TNR: variants seen among roughly 807,000 people sequenced by gnomAD.
The protein encoded by TNR is tenascin R.
A neutral mutation model predicts 150.4 loss-of-function variants in TNR; 45 were observed. The observed-to-expected ratio is 0.30, with a 90% CI of 0.24 to 0.38. TNR has a LOEUF of 0.38. Among genes scored for constraint, TNR ranks in the 10% least tolerant of loss-of-function variants. The probability of loss-of-function intolerance (pLI) is 1.00; values close to 1 mark genes in which losing one functional copy is unlikely to be tolerated. For synonymous variants in TNR, 687 were observed against 678.4 expected, an observed-to-expected ratio of 1.01 and a Z score of -0.20; for missense variants, 1,544 against 1,759.1, an observed-to-expected ratio of 0.88 and a Z score of 2.19.
chr1:175,524,858 A>G lies in TNR; in HGVS notation c.-64+3411T>C, dbSNP rs568106250. ...GTCGCCTGTTAGATAATATGGTCTT[A>G]ATGAAAGCCTTGTCACAATGGCACA... On this transcript the variant is annotated intron_variant, in intron 2 of 22. Coordinates refer to ENST00000367674, the MANE Select transcript of TNR (RefSeq NM_003285.3). 3.6e-4 allele frequency among the ~76,000 whole-genome samples: 55 copies of G among 152,304 alleles called. No individual in the cohort carries two copies. The South Asian group carries it at 0.011, about 30-fold the overall frequency.
At chr1:175,605,234 A>C (rs1261227643) in intron 1 of TNR, among the ~76,000 whole-genome samples, 1 of 152,194 alleles carries the variant, frequency 6.6e-6, no homozygotes, top group Non-Finnish European at 1.5e-5. Flanking sequence ...CCATTTATTC[A>C]CTATCTGGCC....
At chr1:175,371,778 A>C (rs1652116838) in intron 9 of TNR, among the ~76,000 whole-genome samples, 1 of 152,098 alleles carries the variant, frequency 6.6e-6, no homozygotes, top group African/African-American at 2.4e-5. Context: ...TACATGATAC[A>C]ACTAGGTTTG....
chr1:175,451,578 TG>T (rs1656322461), intron 2 of TNR, among the ~76,000 whole-genome samples: 2 of 152,262 alleles, frequency 1.3e-5, no homozygotes, highest in Middle Eastern at 6.8e-3. Context: ...TTTGTCACTG[TG>T]GGACTAGGAT....
At chr1:175,554,339 C>G (rs936608169) in intron 1 of TNR, among the ~76,000 whole-genome samples, 1 of 115,126 alleles carries the variant, frequency 8.7e-6, no homozygotes, top group Non-Finnish European at 1.8e-5. Flanking sequence ...TCCTACATGG[C>G]AAAAAAAAAA....
In TNR at chr1:175,615,537, C is replaced by T. The variant is rs945930481; in HGVS notation, c.-164-87168G>A. ...GGGTCTGAGGGCCACATCAAGGCCC[C>T]GCCCTGAGGCTTCGAGGTCACAGAG... On this transcript the variant is annotated intron_variant, in intron 1 of 22. Coordinates refer to ENST00000367674, the MANE Select transcript of TNR (RefSeq NM_003285.3). Among the ~76,000 whole-genome samples the T allele has an allele frequency of 6.6e-5, 10 of 152,184 alleles. No individual in the cohort carries two copies. In the South Asian group the frequency reaches 1.2e-3, roughly 19 times the overall value.
intron 2 of TNR, among the ~76,000 whole-genome samples, chr1:175,504,985 C>G (rs1336740083): frequency 1.3e-5 from 2 of 152,148 alleles, no homozygotes; most frequent in African/African-American, 4.8e-5. Flanking sequence ...TGGAACAGAT[C>G]CCTTTCTCAC....
At chr1:175,674,268 ATTT>A (rs1665790988) in intron 1 of TNR, among the ~76,000 whole-genome samples, 1 of 152,100 alleles carries the variant, frequency 6.6e-6, no homozygotes, top group Non-Finnish European at 1.5e-5. Context: ...ATGAATGCTC[ATTT>A]TCTTTTCTTT....
chr1:175,367,351 A>C (rs747211611), intron 9 of TNR, 54 bp from the exon 10 acceptor site: 8 of 1,499,088 alleles, frequency 5.3e-6, no homozygotes, highest in Non-Finnish European at 7.4e-6. Flanking sequence ...AGGGCTAGGA[A>C]GGCTGAAAGT....
Position 175,530,605 on chromosome 1 carries a change from T to G in TNR, c.-164-2236A>C, listed in dbSNP as rs368198400. On this transcript the variant is annotated intron_variant, in intron 1 of 22. Transcript: ENST00000367674. ...TTTATAGTTTTTAACTGAAATACTCTGCAACTTGCTTTGACTTAACATACA... is the reference window on the plus strand; with the variant it reads ...TTTATAGTTTTTAACTGAAATACTCGGCAACTTGCTTTGACTTAACATACA... Among the ~76,000 whole-genome samples the G allele has an allele frequency of 4.6e-5, 7 of 152,392 alleles. No individual in the cohort carries two copies. The South Asian group carries it at 1.0e-3, about 23-fold the overall frequency.
At chr1:175,362,443 C>T (rs1651642245) in intron 14 of TNR, among the ~76,000 whole-genome samples, 2 of 152,144 alleles carry the variant, frequency 1.3e-5, no homozygotes, top group Admixed American at 1.3e-4. Context: ...AAATTCCTAA[C>T]CTAAACCAGC....
At chr1:175,547,464 TGGTAA>T (rs1309784218) in intron 1 of TNR, among the ~76,000 whole-genome samples, 2 of 151,756 alleles carry the variant, frequency 1.3e-5, no homozygotes, top group East Asian at 3.9e-4. Context: ...TAGGAATCAG[TGGTAA>T]GGAAAGATCT....
intron 1 of TNR, among the ~76,000 whole-genome samples, chr1:175,590,774 AAGCAGGTAAT>A (rs944589733): frequency 1.7e-4 from 26 of 152,354 alleles, no homozygotes; most frequent in Admixed American, 1.5e-3. Context: ...AGTGAAAGCA[AAGCAGGTAAT>A]AGCAGGAGGT....
intron 1 of TNR, among the ~76,000 whole-genome samples, chr1:175,737,282 A>G (rs182403449): frequency 6.6e-6 from 1 of 152,328 alleles, no homozygotes; most frequent in Non-Finnish European, 1.5e-5. Context: ...CAGTTTTTTC[A>G]CCTGTAAAAC....
intron 1 of TNR, among the ~76,000 whole-genome samples, chr1:175,703,492 A>T (rs1397473947): frequency 1.3e-5 from 2 of 152,338 alleles, no homozygotes; most frequent in African/African-American, 4.8e-5. Context: ...GAATATTTGA[A>T]TTTTATATAT....
At chr1:175,603,731 C>G (rs775074364) in intron 1 of TNR, among the ~76,000 whole-genome samples, 1 of 152,182 alleles carries the variant, frequency 6.6e-6, no homozygotes, top group Non-Finnish European at 1.5e-5. Context: ...GTAACCCTCT[C>G]ATCAACCCAG....
At chr1:175,729,414 CCTCT>C (rs10655316) in intron 1 of TNR, among the ~76,000 whole-genome samples, 9 of 148,874 alleles carry the variant, frequency 6.0e-5, no homozygotes, top group Non-Finnish European at 7.5e-5. Context: ...TGGTGTAAGG[CCTCT>C]CTCTCTCTCT....
intron 1 of TNR, among the ~76,000 whole-genome samples, chr1:175,693,006 T>C (rs1242723943): frequency 6.6e-6 from 1 of 152,200 alleles, no homozygotes; most frequent in Middle Eastern, 3.2e-3. Context: ...GCTTGCAATA[T>C]GCCATTGAGG....
chr1:175,534,941 T>G (rs1298639431), intron 1 of TNR, among the ~76,000 whole-genome samples: 2 of 152,202 alleles, frequency 1.3e-5, no homozygotes, highest in Non-Finnish European at 2.9e-5. Flanking sequence ...TTTTCCCCCT[T>G]TGCTTGATAC....
In TNR at chr1:175,696,222, T is replaced by TTTTG. The variant is rs1558077762; in HGVS notation, c.-165+47003_-165+47004insCAAA. On this transcript the variant is annotated intron_variant, in intron 1 of 22. Coordinates refer to ENST00000367674, the MANE Select transcript of TNR (RefSeq NM_003285.3). Reference sequence around the variant, plus strand: ...ATTAAATGAGCCTTCCTGTAGTTTTTTTTTTTTTTTTTTTTTTTTTTTCCA... The same window carrying TTTTG: ...ATTAAATGAGCCTTCCTGTAGTTTTTTTTGTTTTTTTTTTTTTTTTTTTTTTCCA... 1.1e-3 allele frequency among the ~76,000 whole-genome samples: 56 copies of TTTTG among 50,596 alleles called. 2 individuals are homozygous for TTTTG. Among genetic ancestry groups the TTTTG allele is most frequent in the Admixed American group, 5.8e-3 (23 of 3,970 alleles). The allele number at this position is 50,596 out of a possible 152,430, so 33.2% of individuals were successfully genotyped here.
Sources: gnomAD v4.1 joint callset for allele counts (sites outside exome capture counted in the v4.1 genomes callset) on GRCh38, gnomAD v4.1.1 for gene constraint, MANE v1.5 for transcripts, NCBI Gene and HGNC (gene_info 2026-07-23, HGNC 2026-07-21) for gene names.